Variants in TRIM59 observed in about 807,000 individuals in gnomAD.
TRIM59 encodes tripartite motif-containing protein 59.
Under a neutral mutation model 32.2 loss-of-function variants are expected in TRIM59, and 14 were observed. That is an observed-to-expected ratio of 0.43 (90% CI 0.29 to 0.68). The LOEUF (loss-of-function observed/expected upper bound fraction) is 0.68, where lower values mean the gene tolerates loss of function less well. Among genes scored for constraint, TRIM59 ranks in the 30% least tolerant of loss-of-function variants. TRIM59 has a pLI of 0.15. For synonymous variants in TRIM59, 163 were observed against 155.1 expected (o/e 1.05, Z -0.38); for missense variants, 471 against 463.3 (o/e 1.02, Z -0.15).
Position 160,436,278 on chromosome 3 carries a change from CAT to C in TRIM59, c.*1692_*1693del, listed in dbSNP as rs1718940214. 1 of 989,390 alleles carries C rather than the reference CAT, an allele frequency of 1.0e-6. No individual in the cohort carries two copies. Among genetic ancestry groups the C allele is most frequent in the Non-Finnish European group, 1.2e-6 (1 of 832,298 alleles). 61.3% of individuals were successfully genotyped at this position (989,390 alleles called of 1,614,324 possible). A position where few individuals can be genotyped will look rare whatever the true frequency, so the allele number is the denominator to read the frequency against. ...TATGTGCAATCTGTAGGGCCAGGAGCATAGTCTAATCTGACCCAGAATGTCTT... is the reference window on the plus strand; with the variant it reads ...TATGTGCAATCTGTAGGGCCAGGAGCAGTCTAATCTGACCCAGAATGTCTT... On this transcript the variant is annotated 3_prime_UTR_variant, in exon 3 of 3. Coordinates refer to ENST00000309784, the MANE Select transcript of TRIM59 (RefSeq NM_173084.3).
chr3:160,445,833 A>C (rs1719503180), intron 2 of TRIM59, among the ~76,000 whole-genome samples: 1 of 149,744 alleles, frequency 6.7e-6, no homozygotes, highest in African/African-American at 2.4e-5. Context: ...GCTCTTTTTG[A>C]GACTGAGTCT....
intron 1 of TRIM59, 53 bp downstream of exon 1, chr3:160,449,664 G>GA: frequency 7.8e-7 from 1 of 1,289,708 alleles, no homozygotes; most frequent in Non-Finnish European, 1.0e-6. Flanking sequence ...TACAGGAAAA[G>GA]AAAAAGGACT....
rs1719065364 is a variant in TRIM59 at position 160,438,063 on chromosome 3, CTT to C, written c.1119_1120del (p.Ser374PhefsTer3). On this transcript the variant is annotated frameshift_variant, in exon 3 of 3. Coordinates refer to ENST00000309784, the MANE Select transcript of TRIM59 (RefSeq NM_173084.3). LOFTEE classifies it high-confidence loss of function. ...TACCTTATGCAGACTGTTAGATAAA[CTT>C]TGGTAAACAGATAGAGAGGCTTCAG... is the stretch of plus-strand genomic sequence containing the variant. 3.1e-6 allele frequency: 5 copies of C among 1,608,386 alleles called. No homozygotes were observed. Among genetic ancestry groups the C allele is most frequent in the African/African-American group, 2.7e-5 (2 of 74,500 alleles).
chr3:160,436,148 CTAA>C lies in TRIM59; in HGVS notation c.*1821_*1823del. On this transcript the variant is annotated 3_prime_UTR_variant, in exon 3 of 3. Transcript: ENST00000309784. ...AATTGTGCTAGGTATAAGTCTGATT[CTAA>C]TAATAAATTGATATAATACAGTCAT... 2.9e-6 allele frequency: 3 copies of C among 1,032,942 alleles called. No homozygotes were observed. The highest frequency in any genetic ancestry group is 6.5e-5 in the South Asian group (2 of 30,676). The allele number at this position is 1,032,942 out of a possible 1,614,324, so 64.0% of individuals were successfully genotyped here. A position where few individuals can be genotyped will look rare whatever the true frequency, so the allele number is the denominator to read the frequency against.
intron 2 of TRIM59, among the ~76,000 whole-genome samples, chr3:160,447,199 T>G (rs1719583489): frequency 6.6e-6 from 1 of 152,232 alleles, no homozygotes; most frequent in African/African-American, 2.4e-5. Context: ...CCAGTCTTCC[T>G]TTTGCTAAAT....
At chr3:160,444,774 T>A (rs2108519349) in intron 2 of TRIM59, among the ~76,000 whole-genome samples, 1 of 152,328 alleles carries the variant, frequency 6.6e-6, no homozygotes, top group Middle Eastern at 3.4e-3. Flanking sequence ...GCAAGGAGTT[T>A]CCAGACACAT....
At chr3:160,446,788 T>C (rs73021768) in intron 2 of TRIM59, among the ~76,000 whole-genome samples, 4,786 of 152,294 alleles carry the variant, frequency 0.031, 256 homozygotes, top group African/African-American at 0.11. Flanking sequence ...TAGATTCTCA[T>C]AACAGCGTGA....
intron 2 of TRIM59, among the ~76,000 whole-genome samples, chr3:160,445,557 T>A (rs766026611): frequency 2.4e-4 from 37 of 152,032 alleles, no homozygotes; most frequent in Admixed American, 2.6e-4. Flanking sequence ...GCGGACCACC[T>A]GAAGTCAGGA....
rs1303316681 is a variant in TRIM59, at chr3:160,438,613, C to A, written c.571G>T (p.Glu191Ter). ...DKEAVLQYFK[E>*]LNDTLEQKKK... ...TTCTGTTCTAATGTATCATTAAGCT[C>A]CTTAAAATACTGGAGAACAGCTTCC... Residue 191 changes from glutamate (E) to a stop codon, truncating the protein, a stop_gained, in exon 3 of 3, where the codon GAG (glutamate) becomes TAG (stop). Coordinates refer to ENST00000309784, the MANE Select transcript of TRIM59 (RefSeq NM_173084.3). LOFTEE classifies it high-confidence loss of function. 1.2e-6 allele frequency: 2 copies of A among 1,611,958 alleles called. No individual in the cohort carries two copies. The highest frequency in any genetic ancestry group is 2.7e-5 in the African/African-American group (2 of 74,612).
At chr3:160,439,490 T>A (rs1217280514) in intron 2 of TRIM59, among the ~76,000 whole-genome samples, 1 of 152,198 alleles carries the variant, frequency 6.6e-6, no homozygotes, top group Non-Finnish European at 1.5e-5. Context: ...ATGGTTTGGC[T>A]GTGTCTCCAC....
rs548156555 is a variant in TRIM59, at chr3:160,449,779, C to A, written c.-136G>T. 40 of 1,269,918 alleles carry A rather than the reference C, an allele frequency of 3.1e-5. No homozygotes were observed. The highest frequency in any genetic ancestry group is 3.7e-5 in the Non-Finnish European group (36 of 970,834). The allele number at this position is 1,269,918 out of a possible 1,614,324, so 78.7% of individuals were successfully genotyped here. A position where few individuals can be genotyped will look rare whatever the true frequency, so the allele number is the denominator to read the frequency against. The stretch of plus-strand genomic sequence containing the variant: ...GAAACACAGCGCCACGAGCTCCAGG[C>A]GGATGCTGAGAGCCGCCCCGAGTCC... On this transcript the variant is annotated 5_prime_UTR_variant, in exon 1 of 3. Transcript: ENST00000309784.
In TRIM59 at chr3:160,437,227, G is replaced by A. The variant is rs1719024071; in HGVS notation, c.*745C>T. On this transcript the variant is annotated 3_prime_UTR_variant, in exon 3 of 3. Coordinates refer to ENST00000309784, the MANE Select transcript of TRIM59 (RefSeq NM_173084.3). The stretch of plus-strand genomic sequence containing the variant: ...TTTAATTAGCCAGGCATGGGGGTGT[G>A]TGCCTTGTCCCAGCTGCTCCAGAGG... 5 of 558,286 alleles carry A rather than the reference G, an allele frequency of 9.0e-6. No homozygotes were observed. The highest frequency in any genetic ancestry group is 1.1e-5 in the Non-Finnish European group (5 of 440,332). The allele number at this position is 558,286 out of a possible 1,614,324, so 34.6% of individuals were successfully genotyped here.
intron 2 of TRIM59, among the ~76,000 whole-genome samples, chr3:160,446,402 C>A (rs1467595808): frequency 6.6e-6 from 1 of 151,264 alleles, no homozygotes; most frequent in Non-Finnish European, 1.5e-5. Context: ...CAAAAACAAA[C>A]ACAGGAGTAC....
In TRIM59 at chr3:160,437,251, G is replaced by T; in HGVS notation, c.*721C>A. 1 of 600,474 alleles carries T rather than the reference G, an allele frequency of 1.7e-6. No homozygotes were observed. The highest frequency in any genetic ancestry group is 2.1e-6 in the Non-Finnish European group (1 of 478,722). 37.2% of individuals were successfully genotyped at this position (600,474 alleles called of 1,614,324 possible). On this transcript the variant is annotated 3_prime_UTR_variant, in exon 3 of 3. Coordinates refer to ENST00000309784, the MANE Select transcript of TRIM59 (RefSeq NM_173084.3). ...TGTGCCTTGTCCCAGCTGCTCCAGAGGCAGAGGCGGGAGGATCGATTGAGC... is the reference window on the plus strand; with the variant it reads ...TGTGCCTTGTCCCAGCTGCTCCAGATGCAGAGGCGGGAGGATCGATTGAGC...
chr3:160,443,471 T>C (rs1719361902), intron 2 of TRIM59, among the ~76,000 whole-genome samples: 14 of 152,028 alleles, frequency 9.2e-5, no homozygotes, highest in Admixed American at 9.2e-4. Context: ...AGTTGGACAA[T>C]ATAAGATCTC....
At position 160,436,906 on chromosome 3, in the gene TRIM59, A is replaced by G. The variant is rs1236450427; in HGVS notation, c.*1066T>C. 3.0e-6 allele frequency: 3 copies of G among 985,172 alleles called. No individual in the cohort carries two copies. Among genetic ancestry groups the G allele is most frequent in the African/African-American group, 1.7e-5 (1 of 57,208 alleles). 61.0% of individuals were successfully genotyped at this position (985,172 alleles called of 1,614,324 possible). A position where few individuals can be genotyped will look rare whatever the true frequency, so the allele number is the denominator to read the frequency against. Reference sequence around the variant, plus strand: ...ATGAGTTAAGATGAATAAAGTCCACATGATGCCATCAAAACCTGTTGCAGA... The same window carrying G: ...ATGAGTTAAGATGAATAAAGTCCACGTGATGCCATCAAAACCTGTTGCAGA... On this transcript the variant is annotated 3_prime_UTR_variant, in exon 3 of 3. Coordinates refer to ENST00000309784, the MANE Select transcript of TRIM59 (RefSeq NM_173084.3).
chr3:160,437,315 C>G lies in TRIM59; in HGVS notation c.*657G>C, dbSNP rs566603339. On this transcript the variant is annotated 3_prime_UTR_variant, in exon 3 of 3. Transcript: ENST00000309784. The stretch of plus-strand genomic sequence containing the variant: ...ACTGCAGTGAGTCATGACCAGACAA[C>G]TACACTCCAGCCTGGGCAACAAGGT... 4 of 943,420 alleles carry G rather than the reference C, an allele frequency of 4.2e-6. No individual in the cohort carries two copies. In the African/African-American group the frequency reaches 7.1e-5, roughly 17 times the overall value. The allele number at this position is 943,420 out of a possible 1,614,324, so 58.4% of individuals were successfully genotyped here.
At chr3:160,448,552 GTTGT>G (rs1432757956) in intron 2 of TRIM59, among the ~76,000 whole-genome samples, 170 bp downstream of exon 2, 2 of 152,210 alleles carry the variant, frequency 1.3e-5, no homozygotes, top group South Asian at 2.1e-4. Flanking sequence ...AGAGAAGGGA[GTTGT>G]TTATTTTTCA....
Position 160,440,947 on chromosome 3 carries a change from A to G in TRIM59, c.-3-1761T>C, listed in dbSNP as rs1426592655. On this transcript the variant is annotated intron_variant, in intron 2 of 2. Coordinates refer to ENST00000309784, the MANE Select transcript of TRIM59 (RefSeq NM_173084.3). ...CACCCAAGTGCCATTCACGTAAAAT[A>G]TAAAGGTTACCAAATCACATGCTAT... is the stretch of plus-strand genomic sequence containing the variant. Among the ~76,000 whole-genome samples the G allele has an allele frequency of 2.0e-5, 3 of 152,348 alleles. No individual in the cohort carries two copies. In the East Asian group the frequency reaches 5.8e-4, roughly 29 times the overall value.
Sources: allele counts gnomAD v4.1 joint callset (sites outside exome capture counted in the v4.1 genomes callset), GRCh38; gene constraint gnomAD v4.1.1; transcripts MANE v1.5; gene names NCBI Gene and HGNC (gene_info 2026-07-23, HGNC 2026-07-21).